The following KDM5A variants were observed in gnomAD, a reference collection of about 807,000 sequenced individuals.
KDM5A encodes the protein lysine-specific demethylase 5A.
In KDM5A, 42 loss-of-function variants were observed where a neutral mutation model predicts 193.5. The ratio of observed to expected loss-of-function variants is 0.22; its 90% CI spans 0.17 to 0.28. The LOEUF (loss-of-function observed/expected upper bound fraction) is 0.28. KDM5A is among the 10% of genes least tolerant of loss of function. The pLI is 1.00. For synonymous variants in KDM5A, 796 were observed against 718.1 expected (o/e 1.11, Z -1.73); for missense variants, 1,692 against 2,055.1 (o/e 0.82, Z 3.42).
At chr12:368,902 T>C (rs1412007785) in intron 3 of KDM5A, among the ~76,000 whole-genome samples, 1 of 152,190 alleles carries the variant, frequency 6.6e-6, no homozygotes. Flanking sequence ...TAAAGTACTA[T>C]ACCAATGTTG....
intron 4 of KDM5A, among the ~76,000 whole-genome samples, chr12:363,966 T>C (rs1944321721): frequency 6.6e-6 from 1 of 151,962 alleles, no homozygotes; most frequent in African/African-American, 2.4e-5. Flanking sequence ...ATGTTTAATA[T>C]GAATATGAAA....
intron 14 of KDM5A, among the ~76,000 whole-genome samples, chr12:327,599 C>CT (rs1943807704): frequency 6.6e-6 from 1 of 152,104 alleles, no homozygotes; most frequent in Non-Finnish European, 1.5e-5. Flanking sequence ...ATCCCAGCTA[C>CT]TTGGTAGGCT....
intron 1 of KDM5A, chr12:388,184 T>C (rs1429037223): frequency 9.5e-6 from 4 of 419,416 alleles, no homozygotes; most frequent in African/African-American, 4.1e-5. Flanking sequence ...ACTCAACCTC[T>C]TGGGGCATTA....
At chr12:360,789 T>G (rs1190462215) in intron 5 of KDM5A, among the ~76,000 whole-genome samples, 2 of 152,180 alleles carry the variant, frequency 1.3e-5, no homozygotes, top group African/African-American at 4.8e-5. Flanking sequence ...TTTAAGATGA[T>G]AGAGACTTAA....
chr12:306,879 G>A (rs1943513549), intron 24 of KDM5A, 67 bp downstream of exon 24: 1 of 1,210,996 alleles, frequency 8.3e-7, no homozygotes, highest in Non-Finnish European at 1.2e-6. Context: ...CTGTTCAATA[G>A]CTTTTTTTTT....
chr12:286,888 A>G (rs1175437557), intron 27 of KDM5A, among the ~76,000 whole-genome samples: 2 of 152,140 alleles, frequency 1.3e-5, no homozygotes, highest in East Asian at 3.9e-4. Flanking sequence ...AAGAGACAAT[A>G]TTGTGTTAAC....
chr12:314,983 A>G (rs550563898), intron 19 of KDM5A, among the ~76,000 whole-genome samples: 1 of 152,316 alleles, frequency 6.6e-6, no homozygotes, highest in East Asian at 1.9e-4. Context: ...AGAAAACTAG[A>G]GAAGGATTTA....
intron 26 of KDM5A, among the ~76,000 whole-genome samples, chr12:294,749 C>A (rs1591898048): frequency 6.6e-6 from 1 of 152,190 alleles, no homozygotes; most frequent in Admixed American, 6.5e-5. Context: ...AGTCAAATGG[C>A]AGACTTAGAA....
chr12:301,901 A>G (rs1268236081), intron 24 of KDM5A, among the ~76,000 whole-genome samples: 1 of 152,242 alleles, frequency 6.6e-6, no homozygotes, highest in Non-Finnish European at 1.5e-5. Context: ...GAGCCAAATC[A>G]TGAGTGAACT....
intron 5 of KDM5A, among the ~76,000 whole-genome samples, chr12:362,729 C>G (rs1944307548): frequency 6.6e-6 from 1 of 152,132 alleles, no homozygotes; most frequent in African/African-American, 2.4e-5. Flanking sequence ...GTTTAAAGAA[C>G]AACAGTATAT....
chr12:285,411 A>T lies in KDM5A; in HGVS notation c.*45T>A, dbSNP rs1943207981. 1 of 1,521,092 alleles carries T rather than the reference A, an allele frequency of 6.6e-7. No individual in the cohort carries two copies. Among genetic ancestry groups the T allele is most frequent in the Admixed American group, 1.7e-5 (1 of 59,802 alleles). 94.2% of individuals were successfully genotyped at this position (1,521,092 alleles called of 1,614,324 possible). ...CACTCTACTTGATGACTAAGGTCTC[A>T]ATGTGGTCCATGTCCCCCCATGTCC... On this transcript the variant is annotated 3_prime_UTR_variant, in exon 28 of 28. Transcript: ENST00000399788.
At chr12:379,335 T>C (rs11062659) in intron 3 of KDM5A, among the ~76,000 whole-genome samples, 10,764 of 152,212 alleles carry the variant, frequency 0.071, 851 homozygotes, top group East Asian at 0.35. Flanking sequence ...ATGAAATAAA[T>C]AGTCACCCAA....
In KDM5A at chr12:282,964, C is replaced by T. The variant is rs1943173972; in HGVS notation, c.*2492G>A. 1 of 231,612 alleles carries T rather than the reference C, an allele frequency of 4.3e-6. No homozygotes were observed. Among genetic ancestry groups the T allele is most frequent in the African/African-American group, 2.2e-5 (1 of 45,266 alleles). The allele number at this position is 231,612 out of a possible 1,614,324, so 14.3% of individuals were successfully genotyped here. A position where few individuals can be genotyped will look rare whatever the true frequency, so the allele number is the denominator to read the frequency against. ...CTCAGCCTTGGTCTAAACCTGTGGT[C>T]AAGTCATACCAAATCCTCCATGACT... is the stretch of plus-strand genomic sequence containing the variant. On this transcript the variant is annotated 3_prime_UTR_variant, in exon 28 of 28. Coordinates refer to ENST00000399788, the MANE Select transcript of KDM5A (RefSeq NM_001042603.3).
At chr12:364,740 G>A (rs1446376932) in intron 4 of KDM5A, among the ~76,000 whole-genome samples, 3 of 135,290 alleles carry the variant, frequency 2.2e-5, no homozygotes, top group East Asian at 2.2e-4. Context: ...AGCCGAGATC[G>A]CGCCACTGCA....
intron 9 of KDM5A, among the ~76,000 whole-genome samples, chr12:351,395 T>C (rs1168626172): frequency 1.3e-5 from 2 of 152,174 alleles, no homozygotes; most frequent in Non-Finnish European, 2.9e-5. Flanking sequence ...GAACTTATCC[T>C]TTTTTATGAC....
At chr12:353,311 G>A (rs1472470945) in intron 8 of KDM5A, among the ~76,000 whole-genome samples, 3 of 152,268 alleles carry the variant, frequency 2.0e-5, no homozygotes, top group East Asian at 3.9e-4. Context: ...GACTGAGCGA[G>A]AGGCTGTAGA....
chr12:316,186 G>A (rs999926290), intron 19 of KDM5A, among the ~76,000 whole-genome samples: 6 of 152,208 alleles, frequency 3.9e-5, no homozygotes, highest in African/African-American at 1.4e-4. Flanking sequence ...AGTTAGAAGA[G>A]TCTAACTCCC....
Position 331,836 on chromosome 12 carries a change from A to G in KDM5A, c.1756T>C (p.Phe586Leu), listed in dbSNP as rs1212131069. Reference sequence around the variant, plus strand: ...GAACAGACCCAGTCAGCAGTACAGAAGTTCACAGCTTCAGCAAAGTTGTAG... The same window carrying G: ...GAACAGACCCAGTCAGCAGTACAGAGGTTCACAGCTTCAGCAAAGTTGTAG... ...QGYNFAEAVN[F>L]CTADWLPIGR... The change falls in exon 13 of 28, where the codon TTC becomes CTC. Residue 586 changes from phenylalanine (F) to leucine (L), a missense_variant. Coordinates refer to ENST00000399788, the MANE Select transcript of KDM5A (RefSeq NM_001042603.3). The G allele has an allele frequency of 1.9e-6, 3 of 1,614,108 alleles. No individual in the cohort carries two copies. The highest frequency in any genetic ancestry group is 1.1e-5 in the South Asian group (1 of 91,086).
chr12:348,267 G>A (rs1944104072), intron 10 of KDM5A, among the ~76,000 whole-genome samples: 2 of 152,208 alleles, frequency 1.3e-5, no homozygotes, highest in African/African-American at 4.8e-5. Context: ...GGAAACAGGT[G>A]CTGGAGAGGA....
Sources: allele counts gnomAD v4.1 joint callset (sites outside exome capture counted in the v4.1 genomes callset), GRCh38; gene constraint gnomAD v4.1.1; transcripts MANE v1.5; gene names NCBI Gene and HGNC (gene_info 2026-07-23, HGNC 2026-07-21).